Variants in OBSL1 observed in about 807,000 individuals in gnomAD.
OBSL1 encodes the protein obscurin-like protein 1.
In OBSL1, 160 loss-of-function variants were observed where a neutral mutation model predicts 172.0. The ratio of observed to expected loss-of-function variants is 0.93; its 90% CI spans 0.82 to 1.06. The LOEUF (loss-of-function observed/expected upper bound fraction) is 1.06, where lower values mean the gene tolerates loss of function less well. OBSL1 is among the 50% of genes least tolerant of loss of function. OBSL1 has a pLI of 0.00. For synonymous variants in OBSL1, 1,200 were observed against 1,196.3 expected (o/e 1.00, Z -0.06); for missense variants, 2,681 against 2,715.4 (o/e 0.99, Z 0.28).
rs762355486 is a variant in OBSL1 at position 219,563,359 on chromosome 2, G to A, written c.2676C>T (p.Ile892=). 3 of 1,568,010 alleles carry A rather than the reference G, an allele frequency of 1.9e-6. No individual in the cohort carries two copies. The highest frequency in any genetic ancestry group is 2.6e-6 in the Non-Finnish European group (3 of 1,152,490). The change falls in exon 7 of 21, where the codon ATC becomes ATT. Residue 892 remains isoleucine, a synonymous_variant. Coordinates refer to ENST00000404537, the MANE Select transcript of OBSL1 (RefSeq NM_015311.3). ...GDECAYFTVT[I]TDVSSWIVYP... ...GAGGCCCACCTGGCCCCCCACCTGT[G>A]ATGGTGACAGTGAAGTAGGCACACT...
intron 19 of OBSL1, 132 bp downstream of exon 19, chr2:219,551,980 C>G: frequency 2.9e-6 from 3 of 1,040,600 alleles, no homozygotes; most frequent in Non-Finnish European, 4.3e-6. Flanking sequence ...CCTCTGTGAC[C>G]CGGCCCAGGA....
Position 219,571,050 on chromosome 2 carries a change from C to T in OBSL1, c.183G>A (p.Pro61=), listed in dbSNP as rs763626577. The change falls in exon 1 of 21, where the codon CCG becomes CCA. Residue 61 remains proline, a synonymous_variant. Coordinates refer to ENST00000404537, the MANE Select transcript of OBSL1 (RefSeq NM_015311.3). ...GCAGGCCGTGCTCCGCGCCGTCCGC[C>T]GGGAAGCTCAGGCGTTCCGAGGCCG... ...QLAASERLSF[P]ADGAEHGLLL... is the part of the protein sequence containing the mutation. 5.5e-5 allele frequency: 80 copies of T among 1,459,754 alleles called. No individual in the cohort carries two copies. In the Admixed American group the frequency reaches 1.4e-3, roughly 25 times the overall value. The allele number at this position is 1,459,754 out of a possible 1,614,324, so 90.4% of individuals were successfully genotyped here. A position where few individuals can be genotyped will look rare whatever the true frequency, so the allele number is the denominator to read the frequency against.
In OBSL1 at chr2:219,556,511, C is replaced by T. The variant is rs1166794188; in HGVS notation, c.4279G>A (p.Gly1427Arg). Residue 1427 changes from glycine to arginine, a missense_variant, in exon 13 of 21, where the codon GGG (glycine) becomes AGG (arginine). Gly to Arg is a moderately radical substitution (Grantham distance 125). Around this residue, in one of 5 missense-constraint regions of OBSL1, gnomAD observed 1,765 missense variants for 1,748.3 expected, o/e 1.01. Coordinates refer to ENST00000404537, the MANE Select transcript of OBSL1 (RefSeq NM_015311.3). ...CTCCCTGCCCGCAAAGTCACGGTCC[C>T]TGCATCCCCCAGTTGGCAGCCTCGC... is the stretch of plus-strand genomic sequence containing the variant. The part of the protein sequence containing the change: ...TLRGCQLGDA[G>R]TVTLRAGSTA... 2 of 1,613,808 alleles carry T rather than the reference C, an allele frequency of 1.2e-6. No homozygotes were observed. Among genetic ancestry groups the T allele is most frequent in the Non-Finnish European group, 1.7e-6 (2 of 1,179,890 alleles).
rs886055660 is a variant in OBSL1, at chr2:219,554,521, G to T, written c.4829C>A (p.Ser1610Tyr). Residue 1610 changes from serine (S) to tyrosine (Y), a missense_variant, in exon 15 of 21, where the codon TCC becomes TAC. This residue lies in a region of OBSL1 where 1,765 missense variants were observed against 1,748.3 expected (regional missense o/e 1.01). Coordinates refer to ENST00000404537, the MANE Select transcript of OBSL1 (RefSeq NM_015311.3). ...GCAGCGCAGGGAATCCGCTGTGAAG[G>T]AGACACAGCCTGAGTCGGCCAGGCC... ...GLGLADSGCV[S>Y]FTADSLRCAA... 1.1e-5 allele frequency: 17 copies of T among 1,613,328 alleles called. No homozygotes were observed. The highest frequency in any genetic ancestry group is 1.4e-5 in the Non-Finnish European group (17 of 1,179,892).
At chr2:219,566,022 TC>T (rs1215478351) in intron 5 of OBSL1, among the ~76,000 whole-genome samples, 1 of 152,188 alleles carries the variant, frequency 6.6e-6, no homozygotes, top group Non-Finnish European at 1.5e-5. Flanking sequence ...CTTCCCCCTT[TC>T]AACAGGTGGC....
chr2:219,556,333 G>A (rs1293258957), intron 13 of OBSL1, 41 bp from the exon 14 acceptor site: 4 of 1,568,832 alleles, frequency 2.5e-6, no homozygotes, highest in Admixed American at 1.7e-5. Context: ...GGTGGGGTTG[G>A]AGGCTGGCCC....
chr2:219,557,028 C>T, intron 12 of OBSL1: 1 of 484,308 alleles, frequency 2.1e-6, no homozygotes, highest in Non-Finnish European at 3.6e-6. Flanking sequence ...AGCACTATCC[C>T]CTCTTTTCAG....
intron 16 of OBSL1, 63 bp from the exon 17 acceptor site, chr2:219,553,087 G>C: frequency 7.1e-7 from 1 of 1,407,442 alleles, no homozygotes; most frequent in South Asian, 1.6e-5. Context: ...CCCCGGCCCT[G>C]GCAGGCGGCG....
Position 219,571,278 on chromosome 2 carries a change from G to A in OBSL1, c.-46C>T, listed in dbSNP as rs769043893. ...AGCGGCGAACGGTGGGGGGGCAGGG[G>A]GGGGTGCGGAGGGCGAGCCGAGGCC... On this transcript the variant is annotated 5_prime_UTR_variant, in exon 1 of 21. Transcript: ENST00000404537. 380 of 1,086,640 alleles carry A rather than the reference G, an allele frequency of 3.5e-4. 3 individuals carry two copies. The African/African-American group carries it at 5.6e-3, about 16-fold the overall frequency. 67.3% of individuals were successfully genotyped at this position (1,086,640 alleles called of 1,614,324 possible). A position where few individuals can be genotyped will look rare whatever the true frequency, so the allele number is the denominator to read the frequency against.
chr2:219,556,268 C>T lies in OBSL1; in HGVS notation c.4361G>A (p.Arg1454Gln), dbSNP rs183329050. 0.011 allele frequency: 17,611 copies of T among 1,589,824 alleles called. 154 individuals are homozygous for T. The highest frequency in any genetic ancestry group is 0.015 in the South Asian group (1,359 of 88,198). Residue 1454 changes from arginine to glutamine, a missense_variant, in exon 14 of 21, where the codon CGG becomes CAG. This residue lies in a region of OBSL1 where 1,765 missense variants were observed against 1,748.3 expected (regional missense o/e 1.01). Coordinates refer to ENST00000404537, the MANE Select transcript of OBSL1 (RefSeq NM_015311.3). ...TTCCTCTGCCCGCACATCCTGCAAC[C>T]GCCGTAGGAACAGCAGCTCTGTCTC... ...VRETELLFLR[R>Q]LQDVRAEEGQ... is the part of the protein sequence containing the mutation.
chr2:219,548,158 G>A, downstream of OBSL1: 1 of 1,322,522 alleles, frequency 7.6e-7, no homozygotes, highest in Non-Finnish European at 1.0e-6. Flanking sequence ...TGACTGGGGA[G>A]TGGGGGACAG....
chr2:219,559,542 G>A, intron 8 of OBSL1, 45 bp from the exon 9 acceptor site: 1 of 1,584,532 alleles, frequency 6.3e-7, no homozygotes, highest in Non-Finnish European at 8.6e-7. Context: ...CTCACCGTCA[G>A]CCTCTCTGGA....
chr2:219,567,292 G>C lies in OBSL1; in HGVS notation c.1818C>G (p.Phe606Leu). The C allele has an allele frequency of 6.3e-7, 1 of 1,597,308 alleles. No homozygotes were observed. Among genetic ancestry groups the C allele is most frequent in the Non-Finnish European group, 8.6e-7 (1 of 1,167,590 alleles). Residue 606 changes from phenylalanine to leucine, a missense_variant, in exon 4 of 21, where the codon TTC becomes TTG. Physicochemically the swap from Phe to Leu is conservative, Grantham distance 22. Coordinates refer to ENST00000404537, the MANE Select transcript of OBSL1 (RefSeq NM_015311.3). ...ACTCACCAAGGTGAGCAGAACCGTG[G>C]AACACCACGTGGGGACTACGGCCAT... ...SGHGRSPHVVFHGSAHLVPTA... is the reference protein window; with the variant it reads ...SGHGRSPHVVLHGSAHLVPTA...
In OBSL1 at chr2:219,552,662, C is replaced by G. The variant is rs1435836497; in HGVS notation, c.5182G>C (p.Val1728Leu). The G allele has an allele frequency of 6.5e-7, 1 of 1,540,234 alleles. No homozygotes were observed. Among genetic ancestry groups the G allele is most frequent in the Non-Finnish European group, 8.7e-7 (1 of 1,147,010 alleles). ...GCGCCGTCGCCTTCGCGGGCGCTCACCGACCGCAGCTCGGAGAGTACCGCC... is the reference window on the plus strand; with the variant it reads ...GCGCCGTCGCCTTCGCGGGCGCTCAGCGACCGCAGCTCGGAGAGTACCGCC... ...TVAVLSELRS[V>L]SAREGDGATF... The change falls in exon 18 of 21, where the codon GTG (valine) becomes CTG (leucine). Residue 1728 changes from valine to leucine, a missense_variant. Val to Leu is a conservative substitution (Grantham distance 32). Coordinates refer to ENST00000404537, the MANE Select transcript of OBSL1 (RefSeq NM_015311.3).
At chr2:219,552,066 A>G in intron 19 of OBSL1, 46 bp downstream of exon 19, 1 of 1,521,104 alleles carries the variant, frequency 6.6e-7, no homozygotes, top group African/African-American at 1.4e-5. Context: ...CCATGGCAGG[A>G]GAGACAGGAT....
downstream of OBSL1, among the ~76,000 whole-genome samples, chr2:219,548,472 G>A (rs553940075): frequency 5.9e-5 from 9 of 152,338 alleles, no homozygotes; most frequent in South Asian, 6.2e-4. Flanking sequence ...TTAGAGTTAG[G>A]GTGGTCAGGG....
chr2:219,557,003 C>G, intron 12 of OBSL1: 1 of 505,020 alleles, frequency 2.0e-6, no homozygotes, highest in East Asian at 3.0e-5. Context: ...CTTGTCACAA[C>G]AGGCCTATAA....
chr2:219,562,384 G>A lies in OBSL1; in HGVS notation c.2953+18C>T, dbSNP rs1696544704. 6.2e-7 allele frequency: 1 copy of A among 1,609,670 alleles called. No homozygotes were observed. Among genetic ancestry groups the A allele is most frequent in the Admixed American group, 1.7e-5 (1 of 59,914 alleles). On this transcript the variant is annotated intron_variant, in intron 8 of 20. Coordinates refer to ENST00000404537, the MANE Select transcript of OBSL1 (RefSeq NM_015311.3). Reference sequence around the variant, plus strand: ...AGGGCTGTCTCTGTGACCCCGGGGAGCTGGGCTGGGCCCACACCTGTGACG... The same window carrying A: ...AGGGCTGTCTCTGTGACCCCGGGGAACTGGGCTGGGCCCACACCTGTGACG...
intron 8 of OBSL1, among the ~76,000 whole-genome samples, chr2:219,560,903 C>T (rs1696415618): frequency 1.3e-5 from 2 of 152,178 alleles, no homozygotes; most frequent in Admixed American, 1.3e-4. Flanking sequence ...GCCCCGGGAC[C>T]TCAGCTTGGT....
Sources: gnomAD v4.1 joint callset for allele counts (sites outside exome capture counted in the v4.1 genomes callset) on GRCh38, gnomAD v4.1.1 for gene constraint, gnomAD v4.1.1 regional missense constraint, MANE v1.5 for transcripts, NCBI Gene and HGNC (gene_info 2026-07-23, HGNC 2026-07-21) for gene names.